Variants in CSMD2 observed in about 807,000 individuals in gnomAD.
CSMD2 encodes CUB and sushi domain-containing protein 2.
Under a neutral mutation model 398.5 loss-of-function variants are expected in CSMD2, and 130 were observed. That is an observed-to-expected ratio of 0.33 (90% confidence interval 0.28 to 0.38). CSMD2 has a LOEUF of 0.38. Ranked by LOEUF, CSMD2 falls within the 10% of genes least tolerant of loss-of-function variation. CSMD2 has a pLI of 1.00. For missense variants in CSMD2, 3,829 were observed against 4,764.9 expected, an observed-to-expected ratio of 0.80 and a Z score of 5.78; for synonymous variants, 1,828 against 1,908.5, an observed-to-expected ratio of 0.96 and a Z score of 1.10.
intron 10 of CSMD2, among the ~76,000 whole-genome samples, chr1:33,793,665 G>A (rs960378624): frequency 3.3e-5 from 5 of 152,300 alleles, no homozygotes; most frequent in African/African-American, 9.6e-5. Context: ...AAATGTCAGT[G>A]TGGCAGTATG....
At position 33,700,645 on chromosome 1, in the gene CSMD2, C is replaced by T. The variant is rs201989989; in HGVS notation, c.3605G>A (p.Arg1202His). 378 of 1,614,138 alleles carry T rather than the reference C, an allele frequency of 2.3e-4. No homozygotes were observed. The highest frequency in any genetic ancestry group is 2.8e-4 in the Non-Finnish European group (328 of 1,180,024). The change falls in exon 23 of 71, where the codon CGT becomes CAT. Residue 1202 changes from arginine (R) to histidine (H), a missense_variant. This residue lies in a region of CSMD2 where 2,001 missense variants were observed against 2,567.1 expected (regional missense o/e 0.78). Transcript: ENST00000373381. ...KVYDGNNNSARLLGVFSHSEM... is the reference protein window; with the variant it reads ...KVYDGNNNSAHLLGVFSHSEM... ...AGAATGGCTAAAAACTCCCAGCAAA[C>T]GGGCGGAGTTGTTGTTGCCATCATA...
intron 15 of CSMD2, among the ~76,000 whole-genome samples, chr1:33,733,569 G>A (rs1029933227): frequency 6.6e-6 from 1 of 152,102 alleles, no homozygotes; most frequent in Admixed American, 6.5e-5. Flanking sequence ...ATCTCACCTC[G>A]AGTTATAATC....
intron 3 of CSMD2, among the ~76,000 whole-genome samples, chr1:33,965,822 C>G (rs1268058795): frequency 6.6e-6 from 1 of 152,220 alleles, no homozygotes; most frequent in Non-Finnish European, 1.5e-5. Flanking sequence ...TTTGTGAACC[C>G]AGGAAGCTGG....
At position 33,753,311 on chromosome 1, in the gene CSMD2, T is replaced by G. The variant is rs1297199759; in HGVS notation, c.1847-9705A>C. 2.0e-5 allele frequency among the ~76,000 whole-genome samples: 3 copies of G among 152,196 alleles called. No homozygotes were observed. In the East Asian group the frequency reaches 5.8e-4, roughly 29 times the overall value. Reference sequence around the variant, plus strand: ...AGGGACCAGGCCTGGGGCACTGCAGTCCTGTGCAGCCTCAGAACATCGCTC... The same window carrying G: ...AGGGACCAGGCCTGGGGCACTGCAGGCCTGTGCAGCCTCAGAACATCGCTC... On this transcript the variant is annotated intron_variant, in intron 13 of 70. Coordinates refer to ENST00000373381, the MANE Select transcript of CSMD2 (RefSeq NM_001281956.2).
In CSMD2 at chr1:33,515,296, T is replaced by C. The variant is rs943814115; in HGVS notation, c.*1328A>G. The C allele has an allele frequency of 2.0e-5, 3 of 152,198 alleles. No individual in the cohort carries two copies. Among genetic ancestry groups the C allele is most frequent in the African/African-American group, 4.8e-5 (2 of 41,454 alleles). 9.4% of individuals were successfully genotyped at this position (152,198 alleles called of 1,614,324 possible). On this transcript the variant is annotated 3_prime_UTR_variant, in exon 71 of 71. Transcript: ENST00000373381. ...GGAGCCAAGGAGCCAGCACCAACCGTGGGAGGCCTGGGGAGTTGAATCCTT... is the reference window on the plus strand; with the variant it reads ...GGAGCCAAGGAGCCAGCACCAACCGCGGGAGGCCTGGGGAGTTGAATCCTT...
chr1:33,957,505 G>A (rs1645206568), intron 3 of CSMD2, among the ~76,000 whole-genome samples: 2 of 152,166 alleles, frequency 1.3e-5, no homozygotes, highest in African/African-American at 2.4e-5. Context: ...AGGACTTTCT[G>A]TGTCATCAAA....
chr1:33,801,809 A>G (rs189384361), intron 10 of CSMD2, among the ~76,000 whole-genome samples: 1 of 152,304 alleles, frequency 6.6e-6, no homozygotes, highest in East Asian at 1.9e-4. Context: ...GTGCCCAGAC[A>G]GGTCTTAAAG....
chr1:33,862,849 C>T (rs1639644869), intron 5 of CSMD2: 1 of 152,212 alleles, frequency 6.6e-6, no homozygotes, highest in African/African-American at 2.4e-5. Context: ...TATTAGTTTC[C>T]ATCTTTCTTT....
intron 44 of CSMD2, among the ~76,000 whole-genome samples, chr1:33,590,422 G>C (rs1570850965): frequency 6.7e-6 from 1 of 149,418 alleles, no homozygotes; most frequent in East Asian, 2.0e-4. Context: ...ACAGGTGTGA[G>C]TCACTGTGCC....
At chr1:33,608,686 CG>C (rs1640794501) in intron 41 of CSMD2, among the ~76,000 whole-genome samples, 1 of 152,086 alleles carries the variant, frequency 6.6e-6, no homozygotes, top group Admixed American at 6.6e-5. Flanking sequence ...AGCCAGAGGT[CG>C]GGGTGATACT....
At chr1:33,646,937 G>T in intron 28 of CSMD2, 102 bp from the exon 29 acceptor site, 2 of 1,190,132 alleles carry the variant, frequency 1.7e-6, no homozygotes, top group Non-Finnish European at 2.3e-6. Flanking sequence ...CAGGGAGCAA[G>T]CCCACCATCC....
intron 1 of CSMD2, among the ~76,000 whole-genome samples, chr1:34,113,877 G>A (rs1487071999): frequency 6.6e-6 from 1 of 152,184 alleles, no homozygotes; most frequent in Non-Finnish European, 1.5e-5. Flanking sequence ...GAGACTGAAG[G>A]AAAAAGTTCA....
At chr1:33,893,633 C>T (rs1395810512) in intron 5 of CSMD2, among the ~76,000 whole-genome samples, 2 of 152,212 alleles carry the variant, frequency 1.3e-5, no homozygotes, top group African/African-American at 4.8e-5. Context: ...GACTTCATCT[C>T]CCAGCCTACA....
chr1:33,939,943 C>T (rs1644610530), intron 3 of CSMD2, among the ~76,000 whole-genome samples: 1 of 152,186 alleles, frequency 6.6e-6, no homozygotes, highest in Admixed American at 6.5e-5. Flanking sequence ...CTTTTTCATC[C>T]TGTAAGGGTG....
intron 62 of CSMD2, among the ~76,000 whole-genome samples, chr1:33,535,575 T>C (rs1655690254): frequency 6.6e-6 from 1 of 152,194 alleles, no homozygotes; most frequent in African/African-American, 2.4e-5. Context: ...TGTGCAAGAG[T>C]GCCTCTGGGA....
At chr1:33,593,792 G>C (rs914901184) in intron 44 of CSMD2, among the ~76,000 whole-genome samples, 1 of 152,154 alleles carries the variant, frequency 6.6e-6, no homozygotes, top group Non-Finnish European at 1.5e-5. Context: ...TGTGCTTGCT[G>C]TATCTTTGTC....
chr1:33,755,721 T>C lies in CSMD2; in HGVS notation c.1847-12115A>G, dbSNP rs188058338. ...GTGCAGTGGTGCAATCCTAGCTCAC[T>C]GTAGTCCTGAACTCCTGGGCTAAAA... On this transcript the variant is annotated intron_variant, in intron 13 of 70. Transcript: ENST00000373381. 6.6e-5 allele frequency among the ~76,000 whole-genome samples: 10 copies of C among 152,290 alleles called. No homozygotes were observed. The East Asian group carries it at 1.5e-3, about 24-fold the overall frequency.
At chr1:33,924,698 A>T (rs1406249349) in intron 4 of CSMD2, among the ~76,000 whole-genome samples, 1 of 152,096 alleles carries the variant, frequency 6.6e-6, no homozygotes, top group African/African-American at 2.4e-5. Context: ...CTTTGCCAAC[A>T]TCTGTTGTTT....
intron 5 of CSMD2, among the ~76,000 whole-genome samples, chr1:33,867,869 C>T (rs973510995): frequency 1.3e-5 from 2 of 152,194 alleles, no homozygotes; most frequent in African/African-American, 4.8e-5. Flanking sequence ...GGCCCCCACA[C>T]AGCTAGGCCC....
Sources: allele counts gnomAD v4.1 joint callset (sites outside exome capture counted in the v4.1 genomes callset), GRCh38; gene constraint gnomAD v4.1.1; regional missense constraint gnomAD v4.1.1; transcripts MANE v1.5; gene names NCBI Gene and HGNC (gene_info 2026-07-23, HGNC 2026-07-21).